The following TBC1D22B variants were observed in gnomAD, a reference collection of about 807,000 sequenced individuals.
The protein encoded by TBC1D22B is chromosome 6 open reading frame 197.
Under a neutral mutation model 69.1 loss-of-function variants are expected in TBC1D22B, and 32 were observed. That is an observed-to-expected ratio of 0.46 (90% CI 0.35 to 0.62). TBC1D22B has a LOEUF of 0.62. TBC1D22B is among the 20% of genes least tolerant of loss of function. The pLI, the probability that TBC1D22B is intolerant of heterozygous loss-of-function variation, is 0.00. For synonymous variants in TBC1D22B, 206 were observed against 229.8 expected, an observed-to-expected ratio of 0.90 and a Z score of 0.94; for missense variants, 462 against 630.9, an observed-to-expected ratio of 0.73 and a Z score of 2.87.
chr6:37,311,206 C>T (rs1767901225), intron 8 of TBC1D22B, among the ~76,000 whole-genome samples: 1 of 149,460 alleles, frequency 6.7e-6, no homozygotes, highest in African/African-American at 2.5e-5. Flanking sequence ...TAGGTCATTC[C>T]TAGAGTCATG....
intron 12 of TBC1D22B, among the ~76,000 whole-genome samples, chr6:37,323,220 A>G (rs953506183): frequency 7.9e-5 from 12 of 152,224 alleles, no homozygotes; most frequent in South Asian, 6.2e-4. Flanking sequence ...ACTAATAATC[A>G]AAGTTTCTTC....
chr6:37,291,725 T>C lies in TBC1D22B; in HGVS notation c.982+368T>C, dbSNP rs16889628. Among the ~76,000 whole-genome samples the C allele has an allele frequency of 1.5e-3, 236 of 152,326 alleles. 1 individual carries two copies. The highest frequency in any genetic ancestry group is 5.1e-3 in the African/African-American group (211 of 41,568). ...TCAAGCCTGCACACTCCAGTTCACT[T>C]GCTGTATCTTAGGAGCAGGATGTGG... On this transcript the variant is annotated intron_variant, in intron 8 of 12. Coordinates refer to ENST00000373491, the MANE Select transcript of TBC1D22B (RefSeq NM_017772.4).
At chr6:37,284,835 A>G (rs909940745) in intron 6 of TBC1D22B, among the ~76,000 whole-genome samples, 1 of 152,092 alleles carries the variant, frequency 6.6e-6, no homozygotes, top group Non-Finnish European at 1.5e-5. Flanking sequence ...CTGCTGGTCC[A>G]CCAACCACAC....
At chr6:37,288,734 C>T (rs1332357480) in intron 7 of TBC1D22B, among the ~76,000 whole-genome samples, 1 of 147,902 alleles carries the variant, frequency 6.8e-6, no homozygotes, top group Non-Finnish European at 1.5e-5. Flanking sequence ...AGAGCAAGAT[C>T]CTGTCTCAAA....
intron 8 of TBC1D22B, among the ~76,000 whole-genome samples, chr6:37,300,929 A>G (rs982192200): frequency 6.6e-6 from 1 of 152,162 alleles, no homozygotes; most frequent in Non-Finnish European, 1.5e-5. Flanking sequence ...CATCTTGCCT[A>G]CAGTTGTCAA....
intron 12 of TBC1D22B, chr6:37,324,305 G>A (rs1197297853): frequency 2.2e-6 from 1 of 456,604 alleles, no homozygotes; most frequent in Admixed American, 2.3e-5. Context: ...GTCACCAGCT[G>A]GGTCACACTG....
chr6:37,328,865 T>G (rs1768504543), intron 12 of TBC1D22B, among the ~76,000 whole-genome samples: 1 of 152,130 alleles, frequency 6.6e-6, no homozygotes, highest in Non-Finnish European at 1.5e-5. Flanking sequence ...TAGCTGGGAC[T>G]ACAGGCGGCC....
intron 12 of TBC1D22B, among the ~76,000 whole-genome samples, chr6:37,328,693 G>A (rs986836128): frequency 3.9e-5 from 6 of 152,050 alleles, no homozygotes; most frequent in African/African-American, 1.4e-4. Context: ...CCTCTTGATC[G>A]TGAAGTTATG....
At chr6:37,284,228 G>T in intron 5 of TBC1D22B, 108 bp from the exon 6 acceptor site, 1 of 1,555,208 alleles carries the variant, frequency 6.4e-7, no homozygotes, top group Admixed American at 1.7e-5. Context: ...TTTACCCTTG[G>T]CAGTTTTCCT....
intron 6 of TBC1D22B, among the ~76,000 whole-genome samples, chr6:37,285,102 T>G (rs1218391716): frequency 2.0e-5 from 3 of 151,750 alleles, no homozygotes; most frequent in African/African-American, 7.3e-5. Flanking sequence ...AGGCCAGGGG[T>G]TGCAGAAAGT....
At chr6:37,320,275 G>A (rs1029257817) in intron 12 of TBC1D22B, among the ~76,000 whole-genome samples, 5 of 152,066 alleles carry the variant, frequency 3.3e-5, no homozygotes, top group Non-Finnish European at 5.9e-5. Context: ...GCCTGGGGTC[G>A]GATCCCAGCT....
intron 12 of TBC1D22B, among the ~76,000 whole-genome samples, chr6:37,324,708 C>T (rs1364549415): frequency 6.6e-6 from 1 of 151,934 alleles, no homozygotes; most frequent in Non-Finnish European, 1.5e-5. Flanking sequence ...TCTTTTATGA[C>T]TTCTCTTCTT....
intron 7 of TBC1D22B, among the ~76,000 whole-genome samples, chr6:37,288,566 G>A (rs895970784): frequency 6.6e-6 from 1 of 152,030 alleles, no homozygotes; most frequent in African/African-American, 2.4e-5. Context: ...GCAAGACCCT[G>A]TCTCAAAAAA....
chr6:37,285,128 A>G (rs1048811009), intron 6 of TBC1D22B, among the ~76,000 whole-genome samples: 1 of 151,818 alleles, frequency 6.6e-6, no homozygotes, highest in East Asian at 1.9e-4. Context: ...GTGGGCAGCT[A>G]TTTACAACAA....
intron 10 of TBC1D22B, among the ~76,000 whole-genome samples, chr6:37,315,588 G>T (rs1393040466): frequency 6.8e-6 from 1 of 146,706 alleles, no homozygotes; most frequent in Non-Finnish European, 1.5e-5. Context: ...GAAATAACTT[G>T]TTTTTTGAGA....
At position 37,283,011 on chromosome 6, in the gene TBC1D22B, G is replaced by A. The variant is rs924278346; in HGVS notation, c.672+59G>A. On this transcript the variant is annotated intron_variant, in intron 5 of 12. Coordinates refer to ENST00000373491, the MANE Select transcript of TBC1D22B (RefSeq NM_017772.4). The stretch of plus-strand genomic sequence containing the variant: ...CCTCACACAGCCCTTCTTGCCTGAT[G>A]AGGTTAGTCTGGACACATTGGTCTT... The A allele has an allele frequency of 3.3e-6, 5 of 1,501,114 alleles. No homozygotes were observed. The Admixed American group carries it at 5.2e-5, about 15-fold the overall frequency. The allele number at this position is 1,501,114 out of a possible 1,614,324, so 93.0% of individuals were successfully genotyped here.
intron 8 of TBC1D22B, among the ~76,000 whole-genome samples, chr6:37,304,771 C>G (rs948155874): frequency 1.3e-5 from 2 of 152,078 alleles, no homozygotes; most frequent in Non-Finnish European, 2.9e-5. Flanking sequence ...GTTTACTATG[C>G]GTAATTCTAC....
rs149709570 is a variant in TBC1D22B, at chr6:37,328,335, T to C, written c.1390-2709T>C. On this transcript the variant is annotated intron_variant, in intron 12 of 12. Coordinates refer to ENST00000373491, the MANE Select transcript of TBC1D22B (RefSeq NM_017772.4). ...AAATAAATAGATAGATAGATAAAAATAAAATGTTTATGCCCTTTGAAATAG... is the reference window on the plus strand; with the variant it reads ...AAATAAATAGATAGATAGATAAAAACAAAATGTTTATGCCCTTTGAAATAG... 2.8e-3 allele frequency among the ~76,000 whole-genome samples: 423 copies of C among 152,172 alleles called. 2 individuals carry two copies. The highest frequency in any genetic ancestry group is 9.5e-3 in the African/African-American group (394 of 41,524).
intron 1 of TBC1D22B, among the ~76,000 whole-genome samples, chr6:37,264,375 C>T (rs561935860): frequency 2.0e-5 from 3 of 152,166 alleles, no homozygotes; most frequent in Non-Finnish European, 2.9e-5. Context: ...TGCAATGGCA[C>T]GATCTCGGCT....
Sources: gnomAD v4.1 joint callset for allele counts (sites outside exome capture counted in the v4.1 genomes callset) on GRCh38, gnomAD v4.1.1 for gene constraint, MANE v1.5 for transcripts, NCBI Gene and HGNC (gene_info 2026-07-23, HGNC 2026-07-21) for gene names.